BCL2L13: variants seen among roughly 807,000 people sequenced by gnomAD.
BCL2L13 encodes bcl-2-like protein 13.
BCL2L13 carries 13 observed loss-of-function variants against 25.8 expected under a neutral mutation model. That is an observed-to-expected ratio of 0.50 (90% CI 0.33 to 0.80). The LOEUF is 0.80. Among genes scored for constraint, BCL2L13 ranks in the 30% least tolerant of loss-of-function variants. The pLI is 0.02. For missense variants in BCL2L13, 504 were observed against 574.9 expected (o/e 0.88, Z 1.26); for synonymous variants, 244 against 230.3 (o/e 1.06, Z -0.54).
At chr22:17,700,583 C>T (rs2060403781) in intron 5 of BCL2L13, among the ~76,000 whole-genome samples, 1 of 152,192 alleles carries the variant, frequency 6.6e-6, no homozygotes, top group Admixed American at 6.5e-5. Flanking sequence ...GTTAGCACCA[C>T]TGGTTCATAA....
At chr22:17,685,754 C>CTTTTTTT (rs2059909181) in intron 3 of BCL2L13, among the ~76,000 whole-genome samples, 4 of 53,988 alleles carry the variant, frequency 7.4e-5, no homozygotes, top group Admixed American at 2.1e-4. Context: ...ATAATTTTTT[C>CTTTTTTT]TTTTTCTTTT....
chr22:17,690,346 T>A (rs78953399), intron 4 of BCL2L13, among the ~76,000 whole-genome samples: 6 of 152,232 alleles, frequency 3.9e-5, no homozygotes, highest in African/African-American at 9.6e-5. Context: ...ATTTTTTTTT[T>A]ATTTTCCTGT....
At chr22:17,692,949 A>G (rs993718020) in intron 4 of BCL2L13, among the ~76,000 whole-genome samples, 1 of 152,098 alleles carries the variant, frequency 6.6e-6, no homozygotes, top group Non-Finnish European at 1.5e-5. Context: ...ATTGAAATCT[A>G]GTGTGTATAT....
intron 6 of BCL2L13, among the ~76,000 whole-genome samples, chr22:17,719,544 C>A (rs562106562): frequency 6.6e-6 from 1 of 152,060 alleles, no homozygotes; most frequent in South Asian, 2.1e-4. Context: ...AAATGTCGTG[C>A]CTACCTACAA....
intron 2 of BCL2L13, among the ~76,000 whole-genome samples, chr22:17,660,176 G>A (rs960585588): frequency 6.8e-6 from 1 of 146,190 alleles, no homozygotes; most frequent in African/African-American, 2.4e-5. Flanking sequence ...ACATTTTAAA[G>A]GAACTGTTAA....
chr22:17,708,957 C>T (rs1040665658), intron 6 of BCL2L13, among the ~76,000 whole-genome samples: 8 of 152,172 alleles, frequency 5.3e-5, no homozygotes, highest in Admixed American at 1.3e-4. Context: ...GAGGCTCGGC[C>T]GAGCATGGTG....
intron 3 of BCL2L13, 58 bp downstream of exon 3, chr22:17,683,379 G>GT (rs2059813263): frequency 4.8e-6 from 5 of 1,043,090 alleles, no homozygotes; most frequent in Non-Finnish European, 7.1e-6. Context: ...ATGGTTTACT[G>GT]TTGGTTTAAT....
intron 6 of BCL2L13, 25 bp from the exon 7 acceptor site, chr22:17,726,652 A>G: frequency 6.3e-7 from 1 of 1,591,044 alleles, no homozygotes; most frequent in Non-Finnish European, 8.6e-7. Context: ...ATTCTTTATT[A>G]TTGACGCTTG....
upstream of BCL2L13, among the ~76,000 whole-genome samples, chr22:17,636,153 G>A (rs888366648): frequency 5.3e-5 from 8 of 151,144 alleles, no homozygotes; most frequent in African/African-American, 1.9e-4. Context: ...CTGAAACCCC[G>A]TCTCTACTAA....
At chr22:17,721,525 A>ATTTT (rs3044620) in intron 6 of BCL2L13, among the ~76,000 whole-genome samples, 17,472 of 122,682 alleles carry the variant, frequency 0.14, 2,088 homozygotes, top group African/African-American at 0.22. Flanking sequence ...CTTATAAGAA[A>ATTTT]TTTTTTTTTT....
upstream of BCL2L13, chr22:17,638,743 G>A: frequency 1.6e-6 from 2 of 1,231,742 alleles, no homozygotes; most frequent in South Asian, 4.1e-5. Flanking sequence ...ACGAAGGCAC[G>A]CCGGGGTGAC....
Position 17,646,955 on chromosome 22 carries a change from A to ATATAT in BCL2L13, c.-51+8070_-51+8071insATATT, listed in dbSNP as rs768488873. ...TACATATATATATATATATATATAT[A>ATATAT]TTTTTTTTTTTTTTTTTTTTTTTTC... is the stretch of plus-strand genomic sequence containing the variant. On this transcript the variant is annotated intron_variant, in intron 1 of 6. Transcript: ENST00000317582. Among the ~76,000 whole-genome samples, 25 of 22,184 alleles carry ATATAT rather than the reference A, an allele frequency of 1.1e-3. 1 individual carries two copies. Among genetic ancestry groups the ATATAT allele is most frequent in the South Asian group, 5.3e-3 (1 of 190 alleles). 14.6% of individuals were successfully genotyped at this position (22,184 alleles called of 152,430 possible).
In BCL2L13 at chr22:17,689,013, A is replaced by G. The variant is rs138294984; in HGVS notation, c.257A>G (p.His86Arg). 488 of 1,613,976 alleles carry G rather than the reference A, an allele frequency of 3.0e-4. 2 individuals are homozygous for G. Among genetic ancestry groups the G allele is most frequent in the Middle Eastern group, 6.6e-4 (4 of 6,060 alleles). The change falls in exon 4 of 7, where the codon CAC becomes CGC. Residue 86 changes from histidine to arginine, a missense_variant. Transcript: ENST00000317582. ...EAFTSTGFDR[H>R]TSPVFSPANP... is the part of the protein sequence containing the mutation. ...TTCACCAGCACAGGCTTTGACCGTCACACTTCTCCAGTGTTCAGCCCTGCC... is the reference window on the plus strand; with the variant it reads ...TTCACCAGCACAGGCTTTGACCGTCGCACTTCTCCAGTGTTCAGCCCTGCC...
At chr22:17,681,025 G>A (rs145115845) in intron 2 of BCL2L13, among the ~76,000 whole-genome samples, 1 of 152,180 alleles carries the variant, frequency 6.6e-6, no homozygotes, top group Non-Finnish European at 1.5e-5. Flanking sequence ...CTACTCTGTC[G>A]CACCTCCATG....
At chr22:17,690,896 G>A (rs544629876) in intron 4 of BCL2L13, among the ~76,000 whole-genome samples, 1 of 152,180 alleles carries the variant, frequency 6.6e-6, no homozygotes, top group Non-Finnish European at 1.5e-5. Flanking sequence ...TGGATTTACA[G>A]CAGTTGTTTT....
Position 17,644,958 on chromosome 22 carries a change from C to T in BCL2L13, c.-51+6072C>T, listed in dbSNP as rs968215524. 6.6e-5 allele frequency among the ~76,000 whole-genome samples: 10 copies of T among 150,444 alleles called. 1 individual carries two copies. The highest frequency in any genetic ancestry group is 3.3e-4 in the Admixed American group (5 of 15,136). ...CTGAGTAGCTGGGATTATAGGCACA[C>T]GCCACCATGCCTGGCTAATTTTTTG... On this transcript the variant is annotated intron_variant, in intron 1 of 6. Transcript: ENST00000317582.
intron 2 of BCL2L13, among the ~76,000 whole-genome samples, chr22:17,676,115 G>A (rs1468369400): frequency 6.6e-6 from 1 of 152,130 alleles, no homozygotes; most frequent in African/African-American, 2.4e-5. Flanking sequence ...TGTCGATTGG[G>A]CATTTATCTC....
intron 1 of BCL2L13, among the ~76,000 whole-genome samples, chr22:17,643,910 G>T (rs577583928): frequency 6.7e-6 from 1 of 149,760 alleles, no homozygotes; most frequent in East Asian, 2.0e-4. Flanking sequence ...ACGGCGCCCG[G>T]CCAACTTTTT....
rs183700429 is a variant in BCL2L13, at chr22:17,648,132, A to G, written c.-50-7530A>G. 1.8e-3 allele frequency among the ~76,000 whole-genome samples: 267 copies of G among 152,130 alleles called. 3 individuals are homozygous for G. Among genetic ancestry groups the G allele is most frequent in the African/African-American group, 5.9e-3 (245 of 41,540 alleles). On this transcript the variant is annotated intron_variant, in intron 1 of 6. Coordinates refer to ENST00000317582, the MANE Select transcript of BCL2L13 (RefSeq NM_015367.4). ...AGAGACTCTGTCTCAAAAAAAAAAA[A>G]AGAAATGCAAAAGTTCATTGTGCAA...
Sources: allele counts gnomAD v4.1 joint callset (sites outside exome capture counted in the v4.1 genomes callset), GRCh38; gene constraint gnomAD v4.1.1; transcripts MANE v1.5; gene names NCBI Gene and HGNC (gene_info 2026-07-23, HGNC 2026-07-21).